KMT2E: variants seen among roughly 807,000 people sequenced by gnomAD.
KMT2E encodes lysine methyltransferase 2E (inactive), also known as histone reader KMT2E.
In KMT2E, 30 loss-of-function variants were observed where a neutral mutation model predicts 184.6. The observed-to-expected ratio is 0.16, with a 90% CI of 0.12 to 0.22. The LOEUF (loss-of-function observed/expected upper bound fraction) is 0.22, where lower values mean the gene tolerates loss of function less well. KMT2E is among the 10% of genes least tolerant of loss of function. KMT2E has a pLI of 1.00. For synonymous variants in KMT2E, 815 were observed against 776.5 expected (o/e 1.05, Z -0.82); for missense variants, 2,023 against 2,237.4 (o/e 0.90, Z 1.93).
intron 15 of KMT2E, among the ~76,000 whole-genome samples, chr7:105,094,487 C>T (rs972863345): frequency 1.3e-5 from 2 of 152,134 alleles, no homozygotes; most frequent in East Asian, 1.9e-4. Context: ...TTGAACATCC[C>T]AAATCCAAAA....
In KMT2E at chr7:105,076,050, G is replaced by T. The variant is rs150708195; in HGVS notation, c.737G>T (p.Arg246Leu). Reference sequence around the variant, plus strand: ...ATTCCATGTTTATTTTAGGCATTTCGTGAAGGATCTAGGAAGTCATCAAGA... The same window carrying T: ...ATTCCATGTTTATTTTAGGCATTTCTTGAAGGATCTAGGAAGTCATCAAGA... ...QHISKCKKAF[R>L]EGSRKSSRVK... Residue 246 changes from arginine to leucine, a missense_variant, in exon 9 of 27, where the codon CGT becomes CTT. Around this residue, in one of 8 missense-constraint regions of KMT2E, gnomAD observed 191 missense variants for 209.0 expected, o/e 0.91. Coordinates refer to ENST00000311117, the MANE Select transcript of KMT2E (RefSeq NM_182931.3). 1.3e-5 allele frequency: 20 copies of T among 1,597,966 alleles called. No homozygotes were observed. Among genetic ancestry groups the T allele is most frequent in the Non-Finnish European group, 1.7e-5 (20 of 1,166,084 alleles).
chr7:105,093,691 A>G (rs1798298261), intron 15 of KMT2E, among the ~76,000 whole-genome samples: 1 of 152,176 alleles, frequency 6.6e-6, no homozygotes, highest in African/African-American at 2.4e-5. Context: ...TCTCCAAAAA[A>G]AAAGAGAATT....
In KMT2E at chr7:105,069,043, C is replaced by T. The variant is rs531669906; in HGVS notation, c.497+2236C>T. Among the ~76,000 whole-genome samples the T allele has an allele frequency of 3.3e-5, 5 of 152,246 alleles. No homozygotes were observed. The East Asian group carries it at 7.7e-4, about 24-fold the overall frequency. ...TCCTTTAAACAACACCCTAGTGGTA[C>T]TTCATGGCAAAGAAGATATCTGGTG... is the stretch of plus-strand genomic sequence containing the variant. On this transcript the variant is annotated intron_variant, in intron 6 of 26. Coordinates refer to ENST00000311117, the MANE Select transcript of KMT2E (RefSeq NM_182931.3).
chr7:105,074,577 T>C, intron 7 of KMT2E, 66 bp from the exon 8 acceptor site: 1 of 1,171,934 alleles, frequency 8.5e-7, no homozygotes, highest in South Asian at 2.2e-5. Flanking sequence ...TCATATGGAA[T>C]GCTGTTTTAT....
At chr7:105,050,320 C>CT (rs1225457562) in intron 3 of KMT2E, among the ~76,000 whole-genome samples, 11 of 152,238 alleles carry the variant, frequency 7.2e-5, no homozygotes, top group Admixed American at 7.2e-4. Context: ...AGGTACCACA[C>CT]TTAACTAACC....
Position 105,107,149 on chromosome 7 carries a change from T to G in KMT2E, c.2848-17T>G. 7.5e-7 allele frequency: 1 copy of G among 1,327,376 alleles called. No individual in the cohort carries two copies. Among genetic ancestry groups the G allele is most frequent in the African/African-American group, 1.5e-5 (1 of 67,228 alleles). The allele number at this position is 1,327,376 out of a possible 1,614,324, so 82.2% of individuals were successfully genotyped here. On this transcript the variant is annotated splice_polypyrimidine_tract_variant and intron_variant, in intron 20 of 26. Coordinates refer to ENST00000311117, the MANE Select transcript of KMT2E (RefSeq NM_182931.3). ...GTATTTTTAAATTTTCAATTCTAAT[T>G]CTTTCTTTATATACAGAATATTTCT...
chr7:105,101,872 G>T lies in KMT2E; in HGVS notation c.1888-14G>T. ...GTAGTATAAAAACTTCCATTCGCTT[G>T]TATTTTGAATTAGGAACAAGCAAAA... On this transcript the variant is annotated splice_polypyrimidine_tract_variant and intron_variant, in intron 16 of 26. Transcript: ENST00000311117. 1 of 1,588,854 alleles carries T rather than the reference G, an allele frequency of 6.3e-7. No homozygotes were observed. Among genetic ancestry groups the T allele is most frequent in the Non-Finnish European group, 8.6e-7 (1 of 1,168,470 alleles).
chr7:105,112,808 T>G lies in KMT2E; in HGVS notation c.5052T>G (p.Pro1684=). The G allele has an allele frequency of 2.0e-6, 1 of 489,740 alleles. No individual in the cohort carries two copies. The highest frequency in any genetic ancestry group is 1.2e-4 in the East Asian group (1 of 8,036). 30.3% of individuals were successfully genotyped at this position (489,740 alleles called of 1,614,324 possible). The change falls in exon 27 of 27, where the codon CCT becomes CCG. Residue 1684 remains proline, a synonymous_variant. Coordinates refer to ENST00000311117, the MANE Select transcript of KMT2E (RefSeq NM_182931.3). ...GHHLPPPPPP[P]GPAPHHHPPP... ...ACTTACCCCCACCCCCACCCCCTCC[T>G]GGTCCTGCCCCTCATCACCATCCAC... is the stretch of plus-strand genomic sequence containing the variant.
intron 13 of KMT2E, among the ~76,000 whole-genome samples, chr7:105,086,784 TATA>T (rs1468958454): frequency 6.1e-5 from 8 of 130,120 alleles, no homozygotes; most frequent in South Asian, 2.3e-4. Flanking sequence ...ATAAAATAAA[TATA>T]ATATATAAAA....
intron 3 of KMT2E, among the ~76,000 whole-genome samples, chr7:105,055,008 G>A (rs1006293698): frequency 2.0e-5 from 3 of 152,116 alleles, no homozygotes; most frequent in African/African-American, 7.2e-5. Context: ...GTCTTGGAGA[G>A]GTAGTACTTT....
chr7:105,014,831 C>T (rs1794643711), intron 1 of KMT2E, among the ~76,000 whole-genome samples: 2 of 152,028 alleles, frequency 1.3e-5, no homozygotes, highest in African/African-American at 4.8e-5. Flanking sequence ...TCATTGGCAG[C>T]GGGTTAAGGC....
intron 1 of KMT2E, among the ~76,000 whole-genome samples, chr7:105,015,822 G>A (rs1794694686): frequency 3.3e-5 from 5 of 151,754 alleles, no homozygotes; most frequent in South Asian, 4.2e-4. Context: ...TTACAAAAAT[G>A]TGTTGATTTT....
At position 105,106,571 on chromosome 7, in the gene KMT2E, G is replaced by C. The variant is rs755679868; in HGVS notation, c.2646G>C (p.Ser882=). 3.7e-6 allele frequency: 6 copies of C among 1,612,452 alleles called. No individual in the cohort carries two copies. The highest frequency in any genetic ancestry group is 4.2e-6 in the Non-Finnish European group (5 of 1,178,748). ...KKRRFYQLLD[S]VYSETSTPTP... The stretch of plus-strand genomic sequence containing the variant: ...GAAGATTTTATCAGTTGCTAGATTC[G>C]GTTTACTCAGAAACCTCCACACCTA... The change falls in exon 20 of 27, where the codon TCG becomes TCC. Residue 882 remains serine, a synonymous_variant. Transcript: ENST00000311117.
chr7:105,025,122 T>A (rs555940013), intron 1 of KMT2E, among the ~76,000 whole-genome samples: 7 of 152,220 alleles, frequency 4.6e-5, no homozygotes, highest in African/African-American at 1.7e-4. Context: ...AAAAGTAACA[T>A]ATGTTTATTA....
At chr7:105,022,920 A>T (rs1377138825) in intron 1 of KMT2E, among the ~76,000 whole-genome samples, 1 of 152,118 alleles carries the variant, frequency 6.6e-6, no homozygotes, top group Non-Finnish European at 1.5e-5. Flanking sequence ...AATAAAATAA[A>T]TTTTAAGGAA....
chr7:105,100,483 T>G (rs983965421), intron 15 of KMT2E, among the ~76,000 whole-genome samples: 1 of 152,162 alleles, frequency 6.6e-6, no homozygotes, highest in Non-Finnish European at 1.5e-5. Context: ...GTGGTTCTTT[T>G]CATTTTAAGA....
chr7:105,105,807 A>G, intron 18 of KMT2E, 52 bp from the exon 19 acceptor site: 1 of 1,585,226 alleles, frequency 6.3e-7, no homozygotes, highest in South Asian at 1.2e-5. Flanking sequence ...TACAGGCTAT[A>G]TAAACAGCTA....
chr7:105,043,038 A>C (rs1026409977), intron 3 of KMT2E, among the ~76,000 whole-genome samples: 1 of 152,174 alleles, frequency 6.6e-6, no homozygotes, highest in Non-Finnish European at 1.5e-5. Flanking sequence ...ACCCACTTGC[A>C]GTTTGAGAGT....
Position 105,079,511 on chromosome 7 carries a change from C to CTTT in KMT2E, c.1248+576_1248+578dup, listed in dbSNP as rs66734303. Among the ~76,000 whole-genome samples, 151 of 62,342 alleles carry CTTT rather than the reference C, an allele frequency of 2.4e-3. 30 individuals are homozygous for CTTT. The highest frequency in any genetic ancestry group is 3.4e-3 in the African/African-American group (54 of 15,754). 40.9% of individuals were successfully genotyped at this position (62,342 alleles called of 152,430 possible). ...CTTATAAGAGGAAATATTGGACTTCCTTTTTTTTTTTTTTTTTTTTTTTTT... is the reference window on the plus strand; with the variant it reads ...CTTATAAGAGGAAATATTGGACTTCCTTTTTTTTTTTTTTTTTTTTTTTTTTTT... On this transcript the variant is annotated intron_variant, in intron 12 of 26. Coordinates refer to ENST00000311117, the MANE Select transcript of KMT2E (RefSeq NM_182931.3).
Sources: gnomAD v4.1 joint callset for allele counts (sites outside exome capture counted in the v4.1 genomes callset) on GRCh38, gnomAD v4.1.1 for gene constraint, gnomAD v4.1.1 regional missense constraint, MANE v1.5 for transcripts, NCBI Gene and HGNC (gene_info 2026-07-23, HGNC 2026-07-21) for gene names.